The following RUNDC3B variants were observed in gnomAD, a reference collection of about 807,000 sequenced individuals.
RUNDC3B encodes RUN domain-containing protein 3B.
In RUNDC3B, 33 loss-of-function variants were observed where a neutral mutation model predicts 58.4. That is an observed-to-expected ratio of 0.56 (90% CI 0.43 to 0.75). The LOEUF (loss-of-function observed/expected upper bound fraction) is 0.75, where lower values mean the gene tolerates loss of function less well. Ranked by LOEUF, RUNDC3B falls within the 30% of genes least tolerant of loss-of-function variation. The pLI, the probability that RUNDC3B is intolerant of heterozygous loss-of-function variation, is 0.00. For missense variants in RUNDC3B, 501 were observed against 535.7 expected (o/e 0.94, Z 0.64); for synonymous variants, 193 against 195.2 (o/e 0.99, Z 0.10).
intron 10 of RUNDC3B, among the ~76,000 whole-genome samples, chr7:87,819,601 A>G (rs994048301): frequency 1.3e-5 from 2 of 152,124 alleles, no homozygotes; most frequent in Non-Finnish European, 2.9e-5. Context: ...TCAGCACCAC[A>G]CCACACCTAT....
In RUNDC3B at chr7:87,737,832, G is replaced by A. The variant is rs17149880; in HGVS notation, c.459-1959G>A. Among the ~76,000 whole-genome samples, 1,083 of 151,698 alleles carry A rather than the reference G, an allele frequency of 7.1e-3. 9 individuals carry two copies. The highest frequency in any genetic ancestry group is 0.049 in the East Asian group (252 of 5,168). Reference sequence around the variant, plus strand: ...CCATTTTACTTATCTTAAATCATTCGCTTAGAAAATTTACTTATTTACTAA... The same window carrying A: ...CCATTTTACTTATCTTAAATCATTCACTTAGAAAATTTACTTATTTACTAA... On this transcript the variant is annotated intron_variant, in intron 4 of 10. Transcript: ENST00000394654.
chr7:87,830,643 G>C lies in RUNDC3B; in HGVS notation c.*613G>C, dbSNP rs1010732058. On this transcript the variant is annotated 3_prime_UTR_variant, in exon 11 of 11. Transcript: ENST00000394654. ...TTATAAATTCCATAGGAACATGCCT[G>C]TTTTGGTAGTTACTGACTTAATTTG... 1 of 151,626 alleles carries C rather than the reference G, an allele frequency of 6.6e-6. No homozygotes were observed. The highest frequency in any genetic ancestry group is 6.6e-5 in the Admixed American group (1 of 15,146). The allele number at this position is 151,626 out of a possible 1,614,324, so 9.4% of individuals were successfully genotyped here.
intron 10 of RUNDC3B, among the ~76,000 whole-genome samples, chr7:87,826,315 T>A (rs1190213748): frequency 6.6e-6 from 1 of 151,986 alleles, no homozygotes; most frequent in East Asian, 1.9e-4. Context: ...CTGCATAAGC[T>A]CTCTTCTCTT....
At chr7:87,637,054 C>G (rs2130251560) in intron 1 of RUNDC3B, among the ~76,000 whole-genome samples, 1 of 152,308 alleles carries the variant, frequency 6.6e-6, no homozygotes, top group East Asian at 1.9e-4. Flanking sequence ...TACTCACTAT[C>G]ATGAGACTAG....
chr7:87,756,314 CT>C (rs1447880385), intron 6 of RUNDC3B, among the ~76,000 whole-genome samples: 2 of 151,616 alleles, frequency 1.3e-5, no homozygotes, highest in Non-Finnish European at 2.9e-5. Flanking sequence ...ATAGAAAGTC[CT>C]GTTAAGATAT....
chr7:87,777,985 G>C (rs756814334), intron 8 of RUNDC3B, 30 bp downstream of exon 8: 3 of 1,583,540 alleles, frequency 1.9e-6, no homozygotes, highest in Non-Finnish European at 2.6e-6. Flanking sequence ...AAAAATGTTG[G>C]TAGCATGTAA....
At chr7:87,729,423 G>A (rs1188008139) in intron 4 of RUNDC3B, among the ~76,000 whole-genome samples, 3 of 152,158 alleles carry the variant, frequency 2.0e-5, no homozygotes, top group African/African-American at 7.2e-5. Context: ...GTGCATTCAG[G>A]GGAGGCAGCA....
chr7:87,715,322 TAATTA>T (rs1830474481), intron 4 of RUNDC3B, among the ~76,000 whole-genome samples: 2 of 131,526 alleles, frequency 1.5e-5, no homozygotes, highest in African/African-American at 5.8e-5. Context: ...TAATTTATAA[TAATTA>T]TATATAATTA....
intron 9 of RUNDC3B, among the ~76,000 whole-genome samples, chr7:87,812,808 A>G (rs1267219219): frequency 6.6e-6 from 1 of 152,202 alleles, no homozygotes; most frequent in Non-Finnish European, 1.5e-5. Context: ...GTTACTTGCA[A>G]TCTTACTGTG....
intron 6 of RUNDC3B, among the ~76,000 whole-genome samples, chr7:87,752,031 C>G (rs925694050): frequency 6.6e-6 from 1 of 152,110 alleles, no homozygotes; most frequent in Non-Finnish European, 1.5e-5. Context: ...TAGCTGTTAT[C>G]ATTTTGAAAT....
chr7:87,751,747 A>T (rs1833005013), intron 6 of RUNDC3B, among the ~76,000 whole-genome samples: 2 of 152,272 alleles, frequency 1.3e-5, no homozygotes, highest in Non-Finnish European at 1.5e-5. Context: ...GACTTTGCTG[A>T]AGTTGCTTAT....
At chr7:87,782,022 C>A (rs1216549308) in intron 8 of RUNDC3B, among the ~76,000 whole-genome samples, 1 of 151,978 alleles carries the variant, frequency 6.6e-6, no homozygotes, top group East Asian at 1.9e-4. Context: ...GTCCATCCTC[C>A]TTGGTATTTT....
chr7:87,768,455 C>T (rs995734235), intron 6 of RUNDC3B, among the ~76,000 whole-genome samples: 2 of 152,224 alleles, frequency 1.3e-5, no homozygotes, highest in African/African-American at 2.4e-5. Context: ...GGCTGAGATT[C>T]CCTGAATCTG....
chr7:87,776,896 A>G (rs1834667115), intron 7 of RUNDC3B, among the ~76,000 whole-genome samples: 1 of 152,132 alleles, frequency 6.6e-6, no homozygotes, highest in Admixed American at 6.5e-5. Context: ...TACTTTAAAA[A>G]GATTCTAATT....
chr7:87,753,601 T>C (rs1833164424), intron 6 of RUNDC3B, among the ~76,000 whole-genome samples: 1 of 152,234 alleles, frequency 6.6e-6, no homozygotes, highest in Non-Finnish European at 1.5e-5. Context: ...GCTCTTCTTG[T>C]TGAATTGATC....
At chr7:87,694,702 T>A (rs1274429046) in intron 2 of RUNDC3B, among the ~76,000 whole-genome samples, 1 of 151,808 alleles carries the variant, frequency 6.6e-6, no homozygotes, top group South Asian at 2.1e-4. Flanking sequence ...TCAGCCGTCA[T>A]GTACGATTTC....
intron 6 of RUNDC3B, among the ~76,000 whole-genome samples, chr7:87,754,575 A>G (rs1046485667): frequency 2.6e-5 from 4 of 152,222 alleles, no homozygotes; most frequent in Admixed American, 6.5e-5. Context: ...GCAAAAGACA[A>G]TAACCAAAAT....
intron 6 of RUNDC3B, among the ~76,000 whole-genome samples, chr7:87,747,290 C>A (rs901997993): frequency 6.6e-6 from 1 of 152,108 alleles, no homozygotes; most frequent in Admixed American, 6.5e-5. Flanking sequence ...TTGGCTTCTA[C>A]TGGGGGGGTG....
intron 1 of RUNDC3B, among the ~76,000 whole-genome samples, chr7:87,635,759 C>T (rs1290835212): frequency 6.6e-6 from 1 of 152,186 alleles, no homozygotes; most frequent in African/African-American, 2.4e-5. Context: ...AAGACCTCCT[C>T]CTTGCTTTCT....
Sources: gnomAD v4.1 joint callset for allele counts (sites outside exome capture counted in the v4.1 genomes callset) on GRCh38, gnomAD v4.1.1 for gene constraint, MANE v1.5 for transcripts, NCBI Gene and HGNC (gene_info 2026-07-23, HGNC 2026-07-21) for gene names.